The following CSMD1 variants were observed in gnomAD, a reference collection of about 807,000 sequenced individuals.
CSMD1 encodes the protein CUB and Sushi multiple domains 1.
A neutral mutation model predicts 417.5 loss-of-function variants in CSMD1; 213 were observed. The observed-to-expected ratio is 0.51, with a 90% confidence interval of 0.46 to 0.57. The LOEUF is 0.57. Ranked by LOEUF, CSMD1 falls within the 20% of genes least tolerant of loss-of-function variation. The probability of loss-of-function intolerance (pLI) is 0.00; values close to 1 mark genes in which losing one functional copy is unlikely to be tolerated. For synonymous variants in CSMD1, 2,862 were observed against 1,736.8 expected, an observed-to-expected ratio of 1.65 and a Z score of -16.11; for missense variants, 6,923 against 4,529.7, an observed-to-expected ratio of 1.53 and a Z score of -15.17.
rs1465867842 is a variant in CSMD1 at position 4,304,983 on chromosome 8, G to A, written c.415+114970C>T. 2.0e-5 allele frequency among the ~76,000 whole-genome samples: 3 copies of A among 152,170 alleles called. 1 individual carries two copies. The highest frequency in any genetic ancestry group is 7.2e-5 in the African/African-American group (3 of 41,436). On this transcript the variant is annotated intron_variant, in intron 3 of 69. Coordinates refer to ENST00000635120, the MANE Select transcript of CSMD1 (RefSeq NM_033225.6). ...GCTACACTAACGTCTGGATGGTAAT[G>A]CCAATGCCTGTTCTTACAGGACCCA...
intron 4 of CSMD1, among the ~76,000 whole-genome samples, chr8:4,012,622 T>G (rs2740945): frequency 0.61 from 92,924 of 151,764 alleles, 28,670 homozygotes; most frequent in East Asian, 0.68. Context: ...TCTGTATGTC[T>G]ACAGTTTTCA....
At chr8:3,094,819 AAGAG>A (rs1438735128) in intron 47 of CSMD1, among the ~76,000 whole-genome samples, 39 of 138,964 alleles carry the variant, frequency 2.8e-4, no homozygotes, top group Middle Eastern at 3.8e-3. Context: ...AAAAAAAAAA[AAGAG>A]AGAGAGAAAG....
chr8:4,990,771 G>C (rs535986980), intron 1 of CSMD1, among the ~76,000 whole-genome samples: 1 of 152,086 alleles, frequency 6.6e-6, no homozygotes, highest in Non-Finnish European at 1.5e-5. Flanking sequence ...TGCCATAAAG[G>C]AGTCTGACCT....
At chr8:4,717,457 T>C (rs1376044179) in intron 1 of CSMD1, among the ~76,000 whole-genome samples, 3 of 146,860 alleles carry the variant, frequency 2.0e-5, no homozygotes, top group African/African-American at 7.6e-5. Flanking sequence ...ACACACACTA[T>C]ATATATATAT....
At chr8:4,888,664 A>G (rs1194640190) in intron 1 of CSMD1, among the ~76,000 whole-genome samples, 1 of 152,140 alleles carries the variant, frequency 6.6e-6, no homozygotes, top group Non-Finnish European at 1.5e-5. Flanking sequence ...ATCATTTGCC[A>G]ACAAAAGAAA....
chr8:3,715,511 T>C (rs1801780078), intron 6 of CSMD1, among the ~76,000 whole-genome samples: 1 of 152,180 alleles, frequency 6.6e-6, no homozygotes. Flanking sequence ...TTCCCATCTT[T>C]ACAAACTAAG....
At chr8:4,803,707 C>T (rs912092135) in intron 1 of CSMD1, among the ~76,000 whole-genome samples, 6 of 152,134 alleles carry the variant, frequency 3.9e-5, no homozygotes, top group Non-Finnish European at 5.9e-5. Flanking sequence ...CTTTTTTCCA[C>T]GAATGTCTAT....
intron 11 of CSMD1, among the ~76,000 whole-genome samples, chr8:3,479,674 C>G (rs1450368073): frequency 6.6e-6 from 1 of 152,054 alleles, no homozygotes; most frequent in Non-Finnish European, 1.5e-5. Context: ...TAAATAGTAC[C>G]TAGCAATACC....
intron 2 of CSMD1, among the ~76,000 whole-genome samples, chr8:4,530,190 G>T (rs929905757): frequency 6.6e-6 from 1 of 152,056 alleles, no homozygotes; most frequent in Non-Finnish European, 1.5e-5. Flanking sequence ...TAGGATTACA[G>T]GCACGAGCCA....
At chr8:3,683,261 G>C (rs1249284563) in intron 7 of CSMD1, among the ~76,000 whole-genome samples, 3 of 151,810 alleles carry the variant, frequency 2.0e-5, no homozygotes, top group East Asian at 3.9e-4. Flanking sequence ...AATAAAGACA[G>C]TGACCCCTGT....
intron 12 of CSMD1, among the ~76,000 whole-genome samples, chr8:3,416,770 T>C (rs1282658012): frequency 6.6e-6 from 1 of 152,238 alleles, no homozygotes; most frequent in Non-Finnish European, 1.5e-5. Flanking sequence ...TCACTGAGCC[T>C]ACACTGCTGT....
At chr8:4,945,719 A>G (rs1345942695) in intron 1 of CSMD1, among the ~76,000 whole-genome samples, 3 of 152,126 alleles carry the variant, frequency 2.0e-5, no homozygotes, top group Non-Finnish European at 4.4e-5. Flanking sequence ...AACTAATTAC[A>G]GCTTTTGGAG....
At chr8:4,461,399 T>C (rs939061533) in intron 2 of CSMD1, among the ~76,000 whole-genome samples, 2 of 151,416 alleles carry the variant, frequency 1.3e-5, no homozygotes, top group African/African-American at 4.9e-5. Flanking sequence ...TAAAGATAGG[T>C]AAAGAAGATA....
chr8:4,348,579 G>C (rs1315092234), intron 3 of CSMD1, among the ~76,000 whole-genome samples: 1 of 143,334 alleles, frequency 7.0e-6, no homozygotes, highest in African/African-American at 2.6e-5. Flanking sequence ...ATCTGTGTGT[G>C]TGTATGCATG....
chr8:4,261,345 G>C lies in CSMD1; in HGVS notation c.415+158608C>G, dbSNP rs11990340. On this transcript the variant is annotated intron_variant, in intron 3 of 69. Coordinates refer to ENST00000635120, the MANE Select transcript of CSMD1 (RefSeq NM_033225.6). ...TACTGTGTAATCTCACTTAGATGTGGAATCTAAGAACATCTTCTCAGAAAT... is the reference window on the plus strand; with the variant it reads ...TACTGTGTAATCTCACTTAGATGTGCAATCTAAGAACATCTTCTCAGAAAT... Among the ~76,000 whole-genome samples the C allele has an allele frequency of 4.2e-3, 639 of 152,188 alleles. 4 individuals carry two copies. The highest frequency in any genetic ancestry group is 0.014 in the African/African-American group (600 of 41,542).
chr8:4,311,730 A>G (rs1398172820), intron 3 of CSMD1, among the ~76,000 whole-genome samples: 3 of 151,792 alleles, frequency 2.0e-5, no homozygotes, highest in African/African-American at 7.3e-5. Flanking sequence ...CTCAAAAAAA[A>G]AAAAAAAAAA....
At chr8:4,759,762 G>C (rs1811917508) in intron 1 of CSMD1, among the ~76,000 whole-genome samples, 1 of 152,168 alleles carries the variant, frequency 6.6e-6, no homozygotes, top group Non-Finnish European at 1.5e-5. Flanking sequence ...TTTTATGGCT[G>C]CATAGTATTC....
intron 2 of CSMD1, among the ~76,000 whole-genome samples, chr8:4,468,466 G>C (rs1034479528): frequency 6.6e-6 from 1 of 152,176 alleles, no homozygotes; most frequent in Non-Finnish European, 1.5e-5. Context: ...TATGATTTAA[G>C]CTCTTGATAT....
chr8:3,687,631 T>C (rs1800005146), intron 7 of CSMD1, among the ~76,000 whole-genome samples: 1 of 152,204 alleles, frequency 6.6e-6, no homozygotes, highest in Non-Finnish European at 1.5e-5. Flanking sequence ...CCGAGCACTG[T>C]GCCCTTGTTC....
Sources: allele counts gnomAD v4.1 joint callset (sites outside exome capture counted in the v4.1 genomes callset), GRCh38; gene constraint gnomAD v4.1.1; transcripts MANE v1.5; gene names NCBI Gene and HGNC (gene_info 2026-07-23, HGNC 2026-07-21).